ABRAXAS1: variants seen among roughly 807,000 people sequenced by gnomAD.
The protein encoded by ABRAXAS1 is BRCA1-A complex subunit Abraxas 1.
In ABRAXAS1, 26 loss-of-function variants were observed where a neutral mutation model predicts 38.4. The ratio of observed to expected loss-of-function variants is 0.68; its 90% confidence interval spans 0.50 to 0.94. The LOEUF is 0.94. ABRAXAS1 is among the 40% of genes least tolerant of loss of function. The pLI is 0.00. For missense variants in ABRAXAS1, 438 were observed against 481.9 expected (o/e 0.91, Z 0.85); for synonymous variants, 144 against 165.5 (o/e 0.87, Z 1.00).
At position 83,461,565 on chromosome 4, in the gene ABRAXAS1, T is replaced by C. The variant is rs894774303; in HGVS notation, c.*904A>G. The C allele has an allele frequency of 2.6e-5, 8 of 312,274 alleles. No individual in the cohort carries two copies. Among genetic ancestry groups the C allele is most frequent in the African/African-American group, 1.7e-4 (8 of 48,376 alleles). The allele number at this position is 312,274 out of a possible 1,614,324, so 19.3% of individuals were successfully genotyped here. ...TGTAGAAATGTTACATTGGGATGGA[T>C]AGTGGTGCTGTCACAGAAGGACAAA... is the stretch of plus-strand genomic sequence containing the variant. On this transcript the variant is annotated 3_prime_UTR_variant, in exon 9 of 9. Coordinates refer to ENST00000321945, the MANE Select transcript of ABRAXAS1 (RefSeq NM_139076.3).
Position 83,463,522 on chromosome 4 carries a change from T to C in ABRAXAS1, c.768A>G (p.Lys256=), listed in dbSNP as rs1362183388. Residue 256 remains lysine, a synonymous_variant, in exon 8 of 9, where the codon AAA becomes AAG. Transcript: ENST00000321945. The stretch of plus-strand genomic sequence containing the variant: ...CTGCCTGAATCTGTGCTCCTCTCCT[T>C]TTCTCAATTTCTCGTTTTAATCTGT... ...DVNRLKREIE[K]RRGAQIQAAR... is the part of the protein sequence containing the mutation. 3.1e-6 allele frequency: 5 copies of C among 1,610,574 alleles called. No homozygotes were observed. The highest frequency in any genetic ancestry group is 1.3e-5 in the African/African-American group (1 of 74,774).
chr4:83,463,476 G>A lies in ABRAXAS1; in HGVS notation c.796+18C>T, dbSNP rs771903826. On this transcript the variant is annotated intron_variant, in intron 8 of 8. Coordinates refer to ENST00000321945, the MANE Select transcript of ABRAXAS1 (RefSeq NM_139076.3). ...AAAAATTTTTAGCACAGAAAGTAGA[G>A]ATGTGTTGTTTACTTACTTGCTGCC... 1.3e-6 allele frequency: 2 copies of A among 1,484,908 alleles called. No homozygotes were observed. Among genetic ancestry groups the A allele is most frequent in the South Asian group, 2.4e-5 (2 of 84,392 alleles). The allele number at this position is 1,484,908 out of a possible 1,614,324, so 92.0% of individuals were successfully genotyped here.
chr4:83,479,217 A>G (rs1722891306), intron 2 of ABRAXAS1: 1 of 152,164 alleles, frequency 6.6e-6, no homozygotes, highest in South Asian at 2.1e-4. Flanking sequence ...AGCTTGGCCA[A>G]GATGGCAAAG....
chr4:83,462,648 A>AGTCTAAG lies in ABRAXAS1; in HGVS notation c.1044_1050dup (p.Asp352ArgfsTer4). 1 of 1,614,046 alleles carries AGTCTAAG rather than the reference A, an allele frequency of 6.2e-7. No individual in the cohort carries two copies. The highest frequency in any genetic ancestry group is 8.5e-7 in the Non-Finnish European group (1 of 1,179,994). On this transcript the variant is annotated frameshift_variant, in exon 9 of 9. Transcript: ENST00000321945. LOFTEE classifies it low-confidence loss of function (END_TRUNC). ...CTCTTGAATTGCCATCTGTCATCTA[A>AGTCTAAG]GTCTAAGGCTTTATGCTTAATGATT...
At position 83,461,938 on chromosome 4, in the gene ABRAXAS1, T is replaced by G; in HGVS notation, c.*531A>C. 1 of 229,854 alleles carries G rather than the reference T, an allele frequency of 4.4e-6. No individual in the cohort carries two copies. The highest frequency in any genetic ancestry group is 8.6e-6 in the Non-Finnish European group (1 of 115,998). 14.2% of individuals were successfully genotyped at this position (229,854 alleles called of 1,614,324 possible). Reference sequence around the variant, plus strand: ...TTATTGCATGATATCCAGCATTTTATCTGGCAACTCTAGCCATAATGTACT... The same window carrying G: ...TTATTGCATGATATCCAGCATTTTAGCTGGCAACTCTAGCCATAATGTACT... On this transcript the variant is annotated 3_prime_UTR_variant, in exon 9 of 9. Coordinates refer to ENST00000321945, the MANE Select transcript of ABRAXAS1 (RefSeq NM_139076.3).
intron 2 of ABRAXAS1, chr4:83,478,494 G>A: frequency 5.0e-6 from 2 of 401,750 alleles, no homozygotes; most frequent in South Asian, 4.3e-5. Flanking sequence ...GTGTTCTAAT[G>A]TATTTTGGCA....
chr4:83,475,844 A>G (rs1722745712), intron 3 of ABRAXAS1, among the ~76,000 whole-genome samples: 1 of 152,236 alleles, frequency 6.6e-6, no homozygotes, highest in Non-Finnish European at 1.5e-5. Flanking sequence ...AGTTAACAGT[A>G]CTATGACTAT....
At chr4:83,483,728 G>A (rs1723075439) in intron 1 of ABRAXAS1, among the ~76,000 whole-genome samples, 1 of 152,012 alleles carries the variant, frequency 6.6e-6, no homozygotes, top group African/African-American at 2.4e-5. Context: ...AAGCAGGGGG[G>A]CAATGCAAGT....
At position 83,461,076 on chromosome 4, in the gene ABRAXAS1, T is replaced by C. The variant is rs776845603; in HGVS notation, c.*1393A>G. 6.2e-7 allele frequency: 1 copy of C among 1,612,330 alleles called. No homozygotes were observed. Among genetic ancestry groups the C allele is most frequent in the South Asian group, 1.1e-5 (1 of 91,014 alleles). The stretch of plus-strand genomic sequence containing the variant: ...ACAACTGAATTGAGCTAGCTGAAAT[T>C]TTGCTCATTATGTTTTGTCAAGAAC... On this transcript the variant is annotated 3_prime_UTR_variant, in exon 9 of 9. Coordinates refer to ENST00000321945, the MANE Select transcript of ABRAXAS1 (RefSeq NM_139076.3).
intron 4 of ABRAXAS1, among the ~76,000 whole-genome samples, chr4:83,471,620 A>G (rs1722594716): frequency 6.6e-6 from 1 of 152,202 alleles, no homozygotes; most frequent in Non-Finnish European, 1.5e-5. Flanking sequence ...TGATCATTCA[A>G]CAACTTTTAA....
At chr4:83,463,059 C>T (rs1722200642) in intron 8 of ABRAXAS1, among the ~76,000 whole-genome samples, 157 bp from the exon 9 acceptor site, 1 of 152,012 alleles carries the variant, frequency 6.6e-6, no homozygotes, top group Admixed American at 6.6e-5. Flanking sequence ...ATTTATATGC[C>T]ACAGTATTCT....
chr4:83,459,622 A>G lies in ABRAXAS1; in HGVS notation c.*2847T>C. The G allele has an allele frequency of 1.2e-6, 1 of 824,964 alleles. No homozygotes were observed. The highest frequency in any genetic ancestry group is 1.9e-6 in the Non-Finnish European group (1 of 516,508). 51.1% of individuals were successfully genotyped at this position (824,964 alleles called of 1,614,324 possible). On this transcript the variant is annotated 3_prime_UTR_variant, in exon 9 of 9. Coordinates refer to ENST00000321945, the MANE Select transcript of ABRAXAS1 (RefSeq NM_139076.3). ...AATATTTTTTTCTTATATTTTATGA[A>G]ATGTGTCTGAAATTTAGTAAAGCTT... is the stretch of plus-strand genomic sequence containing the variant.
rs1301645755 is a variant in ABRAXAS1 at position 83,470,406 on chromosome 4, A to G, written c.283-10T>C. 3 of 1,597,238 alleles carry G rather than the reference A, an allele frequency of 1.9e-6. No homozygotes were observed. The highest frequency in any genetic ancestry group is 2.7e-5 in the African/African-American group (2 of 74,444). ...ACCAACCTACCACATTCTGAAATAC[A>G]GAATAAAAAGGATATACATCTTAAT... is the stretch of plus-strand genomic sequence containing the variant. On this transcript the variant is annotated splice_polypyrimidine_tract_variant and intron_variant, in intron 4 of 8. Transcript: ENST00000321945.
chr4:83,474,571 C>T lies in ABRAXAS1; in HGVS notation c.215+2072G>A, dbSNP rs72932923. ...TACTAAAAATACAAAAAAAATCAGC[C>T]GGGCTTGGTGGCACCCATCTGGAGT... On this transcript the variant is annotated intron_variant, in intron 3 of 8. Transcript: ENST00000321945. 9.1e-3 allele frequency among the ~76,000 whole-genome samples: 1,382 copies of T among 152,014 alleles called. 18 individuals carry two copies. The highest frequency in any genetic ancestry group is 0.031 in the African/African-American group (1,297 of 41,456).
chr4:83,474,147 A>ATAAG (rs1722681499), intron 3 of ABRAXAS1, among the ~76,000 whole-genome samples: 1 of 125,786 alleles, frequency 8.0e-6, no homozygotes, highest in East Asian at 3.8e-4. Flanking sequence ...TGTCTAAAAA[A>ATAAG]TAAATAAATA....
intron 1 of ABRAXAS1, among the ~76,000 whole-genome samples, chr4:83,483,655 G>A (rs962610691): frequency 2.0e-5 from 3 of 152,072 alleles, no homozygotes; most frequent in African/African-American, 4.8e-5. Flanking sequence ...GGAATCACGC[G>A]GGGGGATATC....
intron 1 of ABRAXAS1, chr4:83,484,726 G>A (rs992971407): frequency 2.8e-6 from 1 of 355,514 alleles, no homozygotes; most frequent in Non-Finnish European, 5.1e-6. Context: ...GCCGAGGAAA[G>A]ATGGGAGCGT....
rs1353085385 is a variant in ABRAXAS1, at chr4:83,476,666, A to G, written c.192T>C (p.Tyr64=). ...ACCTAAAAAGCTGATAGCATGGAAT[A>G]TATTTCTGAATGTCTGGAAGAAAAG... ...EVVYTIDIQK[Y]IPCYQLFSFY... Residue 64 remains tyrosine (Y), a synonymous_variant, in exon 3 of 9, where the codon TAT becomes TAC. Coordinates refer to ENST00000321945, the MANE Select transcript of ABRAXAS1 (RefSeq NM_139076.3). The G allele has an allele frequency of 4.5e-6, 7 of 1,564,410 alleles. No homozygotes were observed. The highest frequency in any genetic ancestry group is 1.1e-5 in the South Asian group (1 of 89,724).
rs756933589 is a variant in ABRAXAS1, at chr4:83,478,269, A to C, written c.179-1590T>G. 1.0e-4 allele frequency: 69 copies of C among 669,020 alleles called. No individual in the cohort carries two copies. In the Middle Eastern group the frequency reaches 1.8e-3, roughly 17 times the overall value. 41.4% of individuals were successfully genotyped at this position (669,020 alleles called of 1,614,324 possible). A position where few individuals can be genotyped will look rare whatever the true frequency, so the allele number is the denominator to read the frequency against. On this transcript the variant is annotated intron_variant, in intron 2 of 8. Transcript: ENST00000321945. ...CAGAGGGCAATCGTGGGACATGTGG[A>C]TCTCTATAAGGGCACTTTGGATGGT...
Sources: allele counts gnomAD v4.1 joint callset (sites outside exome capture counted in the v4.1 genomes callset), GRCh38; gene constraint gnomAD v4.1.1; transcripts MANE v1.5; gene names NCBI Gene and HGNC (gene_info 2026-07-23, HGNC 2026-07-21).